Variants in ADGRB3 observed in about 807,000 individuals in gnomAD.
The protein encoded by ADGRB3 is adhesion G protein-coupled receptor B3.
A neutral mutation model predicts 193.4 loss-of-function variants in ADGRB3; 37 were observed. That is an observed-to-expected ratio of 0.19 (90% CI 0.15 to 0.25). ADGRB3 has a LOEUF of 0.25. Among genes scored for constraint, ADGRB3 ranks in the 10% least tolerant of loss-of-function variants. The pLI is 1.00. For missense variants in ADGRB3, 1,637 were observed against 1,852.9 expected, an observed-to-expected ratio of 0.88 and a Z score of 2.14; for synonymous variants, 690 against 644.2, an observed-to-expected ratio of 1.07 and a Z score of -1.08.
intron 13 of ADGRB3, among the ~76,000 whole-genome samples, chr6:69,040,006 C>T (rs1178199787): frequency 6.6e-6 from 1 of 152,114 alleles, no homozygotes; most frequent in African/African-American, 2.4e-5. Context: ...TCCCAAAGTG[C>T]TGGGATTACA....
chr6:68,824,589 T>C (rs1355651336), intron 3 of ADGRB3, among the ~76,000 whole-genome samples: 5 of 148,218 alleles, frequency 3.4e-5, no homozygotes, highest in Non-Finnish European at 7.4e-5. Flanking sequence ...GTAATACATA[T>C]GTATAATCAT....
chr6:68,998,383 CT>C (rs1183699552), intron 11 of ADGRB3, among the ~76,000 whole-genome samples: 1 of 152,104 alleles, frequency 6.6e-6, no homozygotes. Flanking sequence ...TTATTCCATC[CT>C]GATTATCCTG....
intron 3 of ADGRB3, among the ~76,000 whole-genome samples, chr6:68,886,874 G>A (rs923967322): frequency 6.6e-6 from 1 of 151,592 alleles, no homozygotes; most frequent in Non-Finnish European, 1.5e-5. Context: ...TTATTTCTGT[G>A]AATGTCTCCT....
intron 3 of ADGRB3, among the ~76,000 whole-genome samples, chr6:68,723,636 T>C (rs1765623216): frequency 2.0e-5 from 3 of 151,798 alleles, no homozygotes; most frequent in African/African-American, 7.2e-5. Flanking sequence ...GGATTGGATA[T>C]ACCTTGGGGC....
chr6:69,333,166 A>G (rs1292218104), intron 24 of ADGRB3, among the ~76,000 whole-genome samples, 158 bp downstream of exon 24: 2 of 152,204 alleles, frequency 1.3e-5, no homozygotes, highest in African/African-American at 4.8e-5. Context: ...CCAATGTGCT[A>G]TTTTTAAGCA....
intron 20 of ADGRB3, among the ~76,000 whole-genome samples, chr6:69,282,191 T>A (rs1046225771): frequency 2.0e-5 from 3 of 152,118 alleles, no homozygotes; most frequent in African/African-American, 7.2e-5. Flanking sequence ...ATAAAATGAA[T>A]ATCAGGATTT....
chr6:68,941,979 T>C (rs889938200), intron 5 of ADGRB3, among the ~76,000 whole-genome samples: 1 of 151,246 alleles, frequency 6.6e-6, no homozygotes. Context: ...CAAAATTTTA[T>C]GGGAAAAAAG....
chr6:68,639,268 G>T lies in ADGRB3; in HGVS notation c.593G>T (p.Cys198Phe), dbSNP rs150799777. Residue 198 changes from cysteine to phenylalanine, a missense_variant, in exon 3 of 32, where the codon TGC (cysteine) becomes TTC (phenylalanine). By Grantham distance (205) the Cys-to-Phe change is radical. Coordinates refer to ENST00000370598, the MANE Select transcript of ADGRB3 (RefSeq NM_001704.3). Reference protein sequence around the residue: ...SCGIMYTKCTCPQHLGEWGID... With the variant: ...SCGIMYTKCTFPQHLGEWGID... ...GGGATCATGTATACAAAATGCACCTGCCCTCAGCATTTGGGAGAGTGGGGG... is the reference window on the plus strand; with the variant it reads ...GGGATCATGTATACAAAATGCACCTTCCCTCAGCATTTGGGAGAGTGGGGG... 2.5e-6 allele frequency: 4 copies of T among 1,614,116 alleles called. No individual in the cohort carries two copies. The highest frequency in any genetic ancestry group is 2.2e-5 in the South Asian group (2 of 91,074).
chr6:69,377,176 T>C (rs901750843), intron 30 of ADGRB3, among the ~76,000 whole-genome samples: 2 of 152,018 alleles, frequency 1.3e-5, no homozygotes, highest in African/African-American at 4.8e-5. Flanking sequence ...TTTAGGCTAA[T>C]ATTCAACAAC....
intron 20 of ADGRB3, among the ~76,000 whole-genome samples, chr6:69,322,603 G>C (rs184274559): frequency 1.3e-5 from 2 of 151,948 alleles, no homozygotes. Flanking sequence ...TTCTCTTAAT[G>C]GTCAGTGATG....
At chr6:68,824,515 C>T (rs1266742707) in intron 3 of ADGRB3, among the ~76,000 whole-genome samples, 2 of 148,176 alleles carry the variant, frequency 1.3e-5, no homozygotes, top group Non-Finnish European at 3.0e-5. Flanking sequence ...ATTTCCTATA[C>T]ATATAATATA....
intron 11 of ADGRB3, among the ~76,000 whole-genome samples, chr6:69,000,824 CG>C (rs1416769994): frequency 2.0e-5 from 3 of 152,032 alleles, no homozygotes; most frequent in African/African-American, 7.2e-5. Context: ...ACACATAGGT[CG>C]ATTCAGAAAT....
rs997758322 is a variant in ADGRB3 at position 68,956,781 on chromosome 6, G to C, written c.1497G>C (p.Val499=). 9 of 1,613,688 alleles carry C rather than the reference G, an allele frequency of 5.6e-6. No individual in the cohort carries two copies. In the African/African-American group the frequency reaches 1.2e-4, roughly 22 times the overall value. The change falls in exon 8 of 32, where the codon GTG becomes GTC. Residue 499 remains valine, a synonymous_variant. Transcript: ENST00000370598. ...AATGTGAAGGAACGGGCGAAGAAGT[G>C]AGAAGATGCAATGAGCAGCGATGCC... is the stretch of plus-strand genomic sequence containing the variant. ...GQQCEGTGEE[V]RRCNEQRCPA...
chr6:69,261,858 A>G (rs1030612206), intron 20 of ADGRB3, among the ~76,000 whole-genome samples: 1 of 152,050 alleles, frequency 6.6e-6, no homozygotes, highest in African/African-American at 2.4e-5. Flanking sequence ...TCCAATGGAT[A>G]TTGGTATTTA....
chr6:68,876,457 A>G (rs1217121698), intron 3 of ADGRB3, among the ~76,000 whole-genome samples: 1 of 152,218 alleles, frequency 6.6e-6, no homozygotes, highest in Non-Finnish European at 1.5e-5. Context: ...TTTCATAGAA[A>G]GTGCCTGGGA....
At chr6:69,062,878 G>T in intron 15 of ADGRB3, 56 bp from the exon 16 acceptor site, 1 of 1,272,646 alleles carries the variant, frequency 7.9e-7, no homozygotes, top group South Asian at 1.2e-5. Flanking sequence ...TGAGCAGTAG[G>T]AATTTATACT....
intron 3 of ADGRB3, among the ~76,000 whole-genome samples, chr6:68,783,848 G>A (rs1205863551): frequency 1.3e-5 from 2 of 152,034 alleles, no homozygotes; most frequent in Non-Finnish European, 2.9e-5. Flanking sequence ...TTAGGAAACT[G>A]GATGAATGCC....
At chr6:68,649,376 T>G (rs1216112871) in intron 3 of ADGRB3, among the ~76,000 whole-genome samples, 1 of 152,182 alleles carries the variant, frequency 6.6e-6, no homozygotes, top group African/African-American at 2.4e-5. Flanking sequence ...TCTAATTGAC[T>G]GTCTAAATGA....
intron 30 of ADGRB3, 42 bp from the exon 31 acceptor site, chr6:69,382,789 A>G (rs1582669813): frequency 7.3e-7 from 1 of 1,376,922 alleles, no homozygotes; most frequent in African/African-American, 1.5e-5. Flanking sequence ...TGAAAAACAT[A>G]CATCAAGTTG....
Sources: allele counts gnomAD v4.1 joint callset (sites outside exome capture counted in the v4.1 genomes callset), GRCh38; gene constraint gnomAD v4.1.1; transcripts MANE v1.5; gene names NCBI Gene and HGNC (gene_info 2026-07-23, HGNC 2026-07-21).